RBFOX1: variants seen among roughly 807,000 people sequenced by gnomAD.
RBFOX1 encodes RNA binding fox-1 homolog 1.
Under a neutral mutation model 57.7 loss-of-function variants are expected in RBFOX1, and 8 were observed. The observed-to-expected ratio is 0.14, with a 90% CI of 0.08 to 0.25. The LOEUF (loss-of-function observed/expected upper bound fraction) is 0.25. Ranked by LOEUF, RBFOX1 falls within the 10% of genes least tolerant of loss-of-function variation. The pLI is 1.00. For synonymous variants in RBFOX1, 326 were observed against 222.4 expected, an observed-to-expected ratio of 1.47 and a Z score of -4.15; for missense variants, 611 against 548.5, an observed-to-expected ratio of 1.11 and a Z score of -1.14.
In RBFOX1 at chr16:5,265,501, C is replaced by T. The variant is rs565318382; in HGVS notation, c.219+25396C>T. 7.6e-4 allele frequency among the ~76,000 whole-genome samples: 116 copies of T among 152,322 alleles called. 1 individual carries two copies. The highest frequency in any genetic ancestry group is 1.8e-3 in the Admixed American group (27 of 15,300). ...ACCCAGAGAATTGGATTTAGTGTGACTGATTCCCAACTATCAGTAAGAACA... is the reference window on the plus strand; with the variant it reads ...ACCCAGAGAATTGGATTTAGTGTGATTGATTCCCAACTATCAGTAAGAACA... On this transcript the variant is annotated intron_variant, in intron 1 of 2. Transcript: ENST00000585867.
At chr16:5,889,781 G>C (rs1487147854) in intron 4 of RBFOX1, among the ~76,000 whole-genome samples, 1 of 152,196 alleles carries the variant, frequency 6.6e-6, no homozygotes, top group Admixed American at 6.5e-5. Context: ...TTTGATCAAG[G>C]CCTGAGAGAG....
intron 4 of RBFOX1, among the ~76,000 whole-genome samples, chr16:7,504,484 A>G (rs1009815873): frequency 2.6e-5 from 4 of 151,156 alleles, no homozygotes; most frequent in Admixed American, 6.6e-5. Flanking sequence ...AAAATATTTT[A>G]TGGTGAATTG....
chr16:6,898,788 C>G (rs891070912), intron 3 of RBFOX1, among the ~76,000 whole-genome samples: 1 of 151,326 alleles, frequency 6.6e-6, no homozygotes, highest in South Asian at 2.1e-4. Context: ...TGTGTGTATG[C>G]ATGTGCGTGT....
chr16:6,540,998 G>A (rs994745056), intron 2 of RBFOX1, among the ~76,000 whole-genome samples: 2 of 152,166 alleles, frequency 1.3e-5, no homozygotes, highest in South Asian at 4.1e-4. Flanking sequence ...AAAGCAGCAC[G>A]AAGAGCAAGC....
intron 1 of RBFOX1, among the ~76,000 whole-genome samples, chr16:5,447,381 T>A (rs927705144): frequency 2.9e-5 from 2 of 69,212 alleles, no homozygotes; most frequent in Non-Finnish European, 7.0e-5. Flanking sequence ...TCAATCAATC[T>A]CTCTCTCTCT....
intron 3 of RBFOX1, among the ~76,000 whole-genome samples, chr16:6,793,737 TAACAC>T (rs1356778107): frequency 6.6e-6 from 1 of 152,186 alleles, no homozygotes; most frequent in African/African-American, 2.4e-5. Flanking sequence ...TAAATTAAAA[TAACAC>T]AGCAAGAAAC....
At chr16:5,470,237 C>T (rs576417648) in intron 2 of RBFOX1, among the ~76,000 whole-genome samples, 2 of 152,308 alleles carry the variant, frequency 1.3e-5, no homozygotes, top group South Asian at 4.1e-4. Context: ...CCCTGGGTAG[C>T]ATGGTTCTAG....
At chr16:5,865,855 G>T (rs1039024627) in intron 3 of RBFOX1, among the ~76,000 whole-genome samples, 2 of 152,082 alleles carry the variant, frequency 1.3e-5, no homozygotes, top group African/African-American at 4.8e-5. Context: ...GTTGTAGGTG[G>T]CTGCCTTCTT....
At chr16:5,469,561 G>A (rs2069063501) in intron 2 of RBFOX1, among the ~76,000 whole-genome samples, 1 of 152,034 alleles carries the variant, frequency 6.6e-6, no homozygotes, top group Admixed American at 6.6e-5. Flanking sequence ...CAGCTCCGTG[G>A]GTTTTATTGC....
chr16:7,122,908 A>G (rs1309163916), intron 4 of RBFOX1, among the ~76,000 whole-genome samples: 1 of 152,190 alleles, frequency 6.6e-6, no homozygotes, highest in Non-Finnish European at 1.5e-5. Context: ...ACTTGGATCT[A>G]TTTCAAAAGC....
intron 3 of RBFOX1, among the ~76,000 whole-genome samples, chr16:6,681,373 T>C (rs1310023640): frequency 6.6e-6 from 1 of 152,230 alleles, no homozygotes; most frequent in East Asian, 1.9e-4. Context: ...TTTGCTACCT[T>C]GGTTAAAAAG....
At chr16:7,448,643 C>T (rs2150125475) in intron 4 of RBFOX1, among the ~76,000 whole-genome samples, 1 of 152,282 alleles carries the variant, frequency 6.6e-6, no homozygotes, top group South Asian at 2.1e-4. Context: ...CACAGCATAA[C>T]TGTAGCAAAG....
intron 3 of RBFOX1, among the ~76,000 whole-genome samples, chr16:6,668,232 A>G (rs1488632762): frequency 6.6e-6 from 1 of 152,168 alleles, no homozygotes; most frequent in Non-Finnish European, 1.5e-5. Context: ...GCGGCACAGA[A>G]CACCTTGTTG....
chr16:6,300,328 T>C (rs1422803675), intron 1 of RBFOX1, among the ~76,000 whole-genome samples: 1 of 152,194 alleles, frequency 6.6e-6, no homozygotes, highest in Non-Finnish European at 1.5e-5. Flanking sequence ...ACGTTTTAAG[T>C]GTTCTCACCA....
chr16:7,648,419 T>A (rs1251755732), intron 11 of RBFOX1, among the ~76,000 whole-genome samples: 2 of 152,104 alleles, frequency 1.3e-5, no homozygotes, highest in African/African-American at 4.8e-5. Flanking sequence ...GAGACGGGGT[T>A]ACATCATGTT....
chr16:6,499,350 G>A (rs889723415), intron 2 of RBFOX1, among the ~76,000 whole-genome samples: 3 of 151,492 alleles, frequency 2.0e-5, no homozygotes, highest in Non-Finnish European at 4.4e-5. Flanking sequence ...TTTTTTTACT[G>A]TATAGACACC....
chr16:6,221,000 C>T (rs180909874), intron 1 of RBFOX1, among the ~76,000 whole-genome samples: 2 of 151,930 alleles, frequency 1.3e-5, no homozygotes, highest in East Asian at 3.9e-4. Context: ...AGCTATATAA[C>T]ATTTAATTGT....
rs546606256 is a variant in RBFOX1, at chr16:7,167,302, C to T, written c.27+115204C>T. On this transcript the variant is annotated intron_variant, in intron 4 of 15. Transcript: ENST00000550418. ...CACCTGGCTGAAAATAGGATTTTTA[C>T]GGATGTCACTCATTAAGGATCTCTA... Among the ~76,000 whole-genome samples, 218 of 151,946 alleles carry T rather than the reference C, an allele frequency of 1.4e-3. 2 individuals carry two copies. Among genetic ancestry groups the T allele is most frequent in the Non-Finnish European group, 2.3e-3 (158 of 67,962 alleles).
chr16:5,330,257 C>T (rs563508826), intron 1 of RBFOX1, among the ~76,000 whole-genome samples: 26 of 152,218 alleles, frequency 1.7e-4, no homozygotes, highest in South Asian at 1.2e-3. Context: ...GCAAACTCAG[C>T]GAATCTAACC....
Sources: allele counts gnomAD v4.1 joint callset (sites outside exome capture counted in the v4.1 genomes callset), GRCh38; gene constraint gnomAD v4.1.1; transcripts MANE v1.5; gene names NCBI Gene and HGNC (gene_info 2026-07-23, HGNC 2026-07-21).